GLYAT: variants seen among roughly 807,000 people sequenced by gnomAD.
The protein encoded by GLYAT is glycine-N-acyltransferase.
GLYAT carries 25 observed loss-of-function variants against 22.8 expected under a neutral mutation model. The observed-to-expected ratio is 1.09, with a 90% CI of 0.80 to 1.53. GLYAT has a LOEUF of 1.53. Ranked by LOEUF, GLYAT falls within the 40% of genes most tolerant of loss-of-function variation. GLYAT has a pLI of 0.00. For synonymous variants in GLYAT, 140 were observed against 122.7 expected (o/e 1.14, Z -0.93); for missense variants, 411 against 353.9 (o/e 1.16, Z -1.29).
chr11:58,714,272 A>G (rs1856652215), intron 3 of GLYAT, among the ~76,000 whole-genome samples: 1 of 152,176 alleles, frequency 6.6e-6, no homozygotes, highest in African/African-American at 2.4e-5. Flanking sequence ...CGGTGACTAT[A>G]GTTAATAACA....
intron 2 of GLYAT, among the ~76,000 whole-genome samples, chr11:58,722,370 T>C (rs891053962): frequency 2.6e-5 from 4 of 152,074 alleles, no homozygotes; most frequent in Non-Finnish European, 5.9e-5. Context: ...TCTGATGCCA[T>C]GTGCCCAAGG....
At chr11:58,713,219 A>T (rs1298324526) in intron 3 of GLYAT, among the ~76,000 whole-genome samples, 2 of 152,070 alleles carry the variant, frequency 1.3e-5, no homozygotes, top group Admixed American at 1.3e-4. Flanking sequence ...ATTAGAACTT[A>T]TTTCCTTTAT....
At chr11:58,726,195 A>C (rs572856) in intron 1 of GLYAT, among the ~76,000 whole-genome samples, 3 of 151,826 alleles carry the variant, frequency 2.0e-5, no homozygotes, top group Non-Finnish European at 4.4e-5. Context: ...TGGGTGTGGG[A>C]TGTGGGGCAT....
At chr11:58,713,108 T>C (rs1345610011) in intron 3 of GLYAT, among the ~76,000 whole-genome samples, 3 of 152,082 alleles carry the variant, frequency 2.0e-5, no homozygotes, top group African/African-American at 4.8e-5. Context: ...TCATCCAGAA[T>C]AATTATTATT....
At chr11:58,722,460 G>A (rs185255971) in intron 2 of GLYAT, among the ~76,000 whole-genome samples, 17 of 152,136 alleles carry the variant, frequency 1.1e-4, no homozygotes, top group African/African-American at 3.6e-4. Flanking sequence ...ACTTTGGTTC[G>A]GTTTGGAAAG....
rs560716555 is a variant in GLYAT at position 58,730,108 on chromosome 11, C to T, written c.-16+1727G>A. Among the ~76,000 whole-genome samples the T allele has an allele frequency of 4.6e-5, 7 of 152,252 alleles. No individual in the cohort carries two copies. The South Asian group carries it at 1.5e-3, about 32-fold the overall frequency. On this transcript the variant is annotated intron_variant, in intron 1 of 5. Transcript: ENST00000344743. ...AATGAGTAGCATTCCCGGGCATAAA[C>T]TTCAGAATCTTTGATCCTGGTCCAG...
chr11:58,715,490 T>C, intron 2 of GLYAT, 67 bp from the exon 3 acceptor site: 3 of 726,104 alleles, frequency 4.1e-6, no homozygotes, highest in Non-Finnish European at 7.3e-6. Flanking sequence ...TCTTGCTTGA[T>C]TAGGACAAAA....
chr11:58,712,302 T>A (rs886092664), intron 4 of GLYAT, among the ~76,000 whole-genome samples: 1 of 152,196 alleles, frequency 6.6e-6, no homozygotes, highest in East Asian at 1.9e-4. Context: ...CTCAGAGAGA[T>A]TAAATCACTT....
At chr11:58,728,866 G>GAA (rs1856838081) in intron 1 of GLYAT, 1 of 93,280 alleles carries the variant, frequency 1.1e-5, no homozygotes, top group Non-Finnish European at 2.2e-5. Flanking sequence ...AAGAAAGAAA[G>GAA]AAAGAAAGAA....
intron 1 of GLYAT, among the ~76,000 whole-genome samples, chr11:58,729,502 G>A (rs962546537): frequency 3.9e-5 from 6 of 152,054 alleles, no homozygotes; most frequent in South Asian, 2.1e-4. Context: ...TTCTTCTGAG[G>A]CAGGATGCTC....
At chr11:58,715,948 G>C (rs1856674453) in intron 2 of GLYAT, among the ~76,000 whole-genome samples, 3 of 152,096 alleles carry the variant, frequency 2.0e-5, no homozygotes. Context: ...AAGAGTAATT[G>C]CTGGTTTAAA....
chr11:58,714,513 T>C (rs769519648), intron 3 of GLYAT, among the ~76,000 whole-genome samples: 4 of 152,184 alleles, frequency 2.6e-5, no homozygotes, highest in Non-Finnish European at 5.9e-5. Context: ...CTTTTCATAG[T>C]TGATATGGTT....
chr11:58,726,816 G>A (rs1037574135), intron 1 of GLYAT, among the ~76,000 whole-genome samples: 1 of 152,086 alleles, frequency 6.6e-6, no homozygotes, highest in Non-Finnish European at 1.5e-5. Context: ...AGGAGGAAGC[G>A]AGAAAAACCT....
chr11:58,709,833 A>T lies in GLYAT; in HGVS notation c.824T>A (p.Met275Lys). The T allele has an allele frequency of 6.2e-7, 1 of 1,614,006 alleles. No individual in the cohort carries two copies. Among genetic ancestry groups the T allele is most frequent in the Non-Finnish European group, 8.5e-7 (1 of 1,179,874 alleles). ...VDYSNEAMQK[M>K]SYTLQHVPIP... is the part of the protein sequence containing the mutation. ...GGGAACATGTTGCAGTGTGTAACTC[A>T]TTTTTTGCATAGCTTCATTGCTGTA... Residue 275 changes from methionine (M) to lysine (K), a missense_variant, in exon 6 of 6, where the codon ATG (methionine) becomes AAG (lysine). Transcript: ENST00000344743.
chr11:58,715,319 C>A lies in GLYAT; in HGVS notation c.186G>T (p.Glu62Asp). Residue 62 changes from glutamate to aspartate, a missense_variant, in exon 3 of 6, where the codon GAG becomes GAT. Transcript: ENST00000344743. ...DFNTVVVCPQ[E>D]QDMTDDLDHY... ...ATATTCACACATGGAAACTTACCTG[C>A]TCCTGAGGGCAGACAACCACTGTAT... The A allele has an allele frequency of 7.0e-7, 1 of 1,421,282 alleles. No homozygotes were observed. The highest frequency in any genetic ancestry group is 9.9e-7 in the Non-Finnish European group (1 of 1,005,908). The allele number at this position is 1,421,282 out of a possible 1,614,324, so 88.0% of individuals were successfully genotyped here.
intron 2 of GLYAT, among the ~76,000 whole-genome samples, chr11:58,722,061 C>T (rs1203453929): frequency 1.3e-5 from 2 of 151,964 alleles, no homozygotes; most frequent in Non-Finnish European, 2.9e-5. Context: ...GACCTTCCTC[C>T]CCATCTAATT....
chr11:58,726,200 G>A (rs1856810375), intron 1 of GLYAT, among the ~76,000 whole-genome samples: 1 of 151,962 alleles, frequency 6.6e-6, no homozygotes, highest in Non-Finnish European at 1.5e-5. Flanking sequence ...GTGGGATGTG[G>A]GGCATGGAGC....
intron 3 of GLYAT, among the ~76,000 whole-genome samples, chr11:58,714,186 T>C (rs1856651100): frequency 1.3e-5 from 2 of 152,090 alleles, no homozygotes; most frequent in Admixed American, 1.3e-4. Context: ...TGGGTAGTTG[T>C]TAGTCAAAAG....
Position 58,726,994 on chromosome 11 carries a change from C to CA in GLYAT, c.-15-2484dup, listed in dbSNP as rs140619114. 5.8e-3 allele frequency among the ~76,000 whole-genome samples: 842 copies of CA among 145,430 alleles called. 8 individuals carry two copies. The highest frequency in any genetic ancestry group is 0.021 in the Middle Eastern group (6 of 290). On this transcript the variant is annotated intron_variant, in intron 1 of 5. Coordinates refer to ENST00000344743, the MANE Select transcript of GLYAT (RefSeq NM_201648.3). ...CCCCTCCCCTTAAGAAGTGCTGACT[C>CA]AAAAAAAAAAGAAAAAAGCAAGTAG...
Sources: allele counts gnomAD v4.1 joint callset (sites outside exome capture counted in the v4.1 genomes callset), GRCh38; gene constraint gnomAD v4.1.1; transcripts MANE v1.5; gene names NCBI Gene and HGNC (gene_info 2026-07-23, HGNC 2026-07-21).